RAPGEF6: variants seen among roughly 807,000 people sequenced by gnomAD.
The protein encoded by RAPGEF6 is PDZ domain containing guanine nucleotide exchange factor (GEF) 2.
Under a neutral mutation model 171.4 loss-of-function variants are expected in RAPGEF6, and 56 were observed. That is an observed-to-expected ratio of 0.33 (90% confidence interval 0.26 to 0.41). The LOEUF is 0.41. RAPGEF6 is among the 10% of genes least tolerant of loss of function. The pLI is 1.00. For missense variants in RAPGEF6, 1,674 were observed against 1,921.4 expected (o/e 0.87, Z 2.41); for synonymous variants, 692 against 650.1 (o/e 1.06, Z -0.98).
intron 1 of RAPGEF6, among the ~76,000 whole-genome samples, chr5:131,623,754 G>C (rs559780254): frequency 2.9e-4 from 44 of 152,158 alleles, no homozygotes; most frequent in African/African-American, 9.4e-4. Flanking sequence ...CAAAGTGCTG[G>C]GATTACAGGC....
At chr5:131,564,105 G>T (rs552465856) in intron 4 of RAPGEF6, among the ~76,000 whole-genome samples, 1 of 152,168 alleles carries the variant, frequency 6.6e-6, no homozygotes, top group African/African-American at 2.4e-5. Context: ...CAAGAGAAGC[G>T]TAACACAGCC....
At chr5:131,482,604 A>T (rs1191758829) in intron 15 of RAPGEF6, among the ~76,000 whole-genome samples, 1 of 152,230 alleles carries the variant, frequency 6.6e-6, no homozygotes, top group Non-Finnish European at 1.5e-5. Context: ...CGACTGGCCA[A>T]TACTTTTTAA....
chr5:131,614,263 C>T (rs1281404746), intron 1 of RAPGEF6, among the ~76,000 whole-genome samples: 1 of 102,050 alleles, frequency 9.8e-6, no homozygotes, highest in African/African-American at 4.1e-5. Flanking sequence ...GCCTGGGTGA[C>T]AGAGCAAGAC....
chr5:131,503,698 T>C (rs1757170504), intron 11 of RAPGEF6, among the ~76,000 whole-genome samples: 1 of 152,198 alleles, frequency 6.6e-6, no homozygotes, highest in South Asian at 2.1e-4. Flanking sequence ...CTTTCAACTA[T>C]AATTGTTCAG....
chr5:131,478,353 T>C (rs1755248688), intron 16 of RAPGEF6, among the ~76,000 whole-genome samples: 2 of 152,346 alleles, frequency 1.3e-5, no homozygotes, highest in South Asian at 4.1e-4. Context: ...TATTATGCTG[T>C]ATCCACAACC....
chr5:131,534,935 TTTATAAATCATGC>T lies in RAPGEF6; in HGVS notation c.495+13099_495+13111del, dbSNP rs368865912. ...ATTTTAATGCACACCTTTCCCCCTT[TTTATAAATCATGC>T]TGATCAACACACAAAGAAGGACCTC... On this transcript the variant is annotated intron_variant, in intron 6 of 27. Coordinates refer to ENST00000509018, the MANE Select transcript of RAPGEF6 (RefSeq NM_016340.6). 5.1e-4 allele frequency among the ~76,000 whole-genome samples: 78 copies of T among 152,200 alleles called. No homozygotes were observed. The East Asian group carries it at 0.011, about 22-fold the overall frequency.
intron 17 of RAPGEF6, among the ~76,000 whole-genome samples, chr5:131,467,237 G>A (rs575985623): frequency 1.3e-5 from 2 of 152,192 alleles, no homozygotes; most frequent in African/African-American, 2.4e-5. Context: ...AAAGTCATAC[G>A]TTGTTAAAGT....
intron 6 of RAPGEF6, among the ~76,000 whole-genome samples, chr5:131,530,651 A>G (rs538890421): frequency 1.3e-5 from 2 of 152,360 alleles, no homozygotes; most frequent in East Asian, 3.9e-4. Context: ...TTTACACAGT[A>G]GAGTACCAAT....
At chr5:131,589,312 A>G (rs747916683) in intron 4 of RAPGEF6, among the ~76,000 whole-genome samples, 2 of 152,152 alleles carry the variant, frequency 1.3e-5, no homozygotes, top group Admixed American at 1.3e-4. Flanking sequence ...TTTGCTTACT[A>G]TATATATAGT....
At chr5:131,512,817 T>G (rs1050719486) in intron 7 of RAPGEF6, among the ~76,000 whole-genome samples, 4 of 152,134 alleles carry the variant, frequency 2.6e-5, no homozygotes, top group African/African-American at 9.7e-5. Context: ...GGGAGCTCAT[T>G]CTCCCCTTCT....
At chr5:131,619,751 C>G (rs1182995471) in intron 1 of RAPGEF6, among the ~76,000 whole-genome samples, 1 of 152,160 alleles carries the variant, frequency 6.6e-6, no homozygotes, top group Non-Finnish European at 1.5e-5. Context: ...ACATGTCATT[C>G]TCTCTCCTAT....
intron 14 of RAPGEF6, among the ~76,000 whole-genome samples, 188 bp from the exon 15 acceptor site, chr5:131,489,842 T>C (rs1764802853): frequency 6.6e-6 from 1 of 152,094 alleles, no homozygotes; most frequent in African/African-American, 2.4e-5. Flanking sequence ...ATTTTCCAAA[T>C]TCTTTACTAT....
chr5:131,538,581 T>C (rs1016281358), intron 6 of RAPGEF6, among the ~76,000 whole-genome samples: 4 of 152,136 alleles, frequency 2.6e-5, no homozygotes, highest in Admixed American at 1.3e-4. Context: ...CTACACCATT[T>C]TATAAAAGGG....
At chr5:131,465,718 AG>A (rs1247695026) in intron 17 of RAPGEF6, among the ~76,000 whole-genome samples, 2 of 152,050 alleles carry the variant, frequency 1.3e-5, no homozygotes, top group Non-Finnish European at 2.9e-5. Context: ...GGGAGGTTGA[AG>A]CTGCAGTGAG....
chr5:131,599,805 A>T (rs2150011053), intron 3 of RAPGEF6, among the ~76,000 whole-genome samples: 1 of 152,302 alleles, frequency 6.6e-6, no homozygotes, highest in Admixed American at 6.5e-5. Context: ...AAATGAGAAA[A>T]ACTACATACA....
intron 1 of RAPGEF6, among the ~76,000 whole-genome samples, chr5:131,629,205 C>T (rs1425664956): frequency 6.6e-6 from 1 of 152,042 alleles, no homozygotes; most frequent in African/African-American, 2.4e-5. Context: ...GTGGGCCAGG[C>T]ATGGTGACTC....
At chr5:131,506,835 G>A (rs1025400872) in intron 9 of RAPGEF6, among the ~76,000 whole-genome samples, 1 of 152,012 alleles carries the variant, frequency 6.6e-6, no homozygotes, top group African/African-American at 2.4e-5. Context: ...CCATTCAGTT[G>A]TTTAAAGCTT....
chr5:131,469,529 G>C (rs1434455752), intron 17 of RAPGEF6, among the ~76,000 whole-genome samples: 2 of 151,714 alleles, frequency 1.3e-5, no homozygotes, highest in Non-Finnish European at 2.9e-5. Flanking sequence ...ATTTTTTTTA[G>C]GACTCATTTT....
chr5:131,437,767 T>C (rs1752105952), intron 24 of RAPGEF6, among the ~76,000 whole-genome samples: 1 of 152,202 alleles, frequency 6.6e-6, no homozygotes, highest in African/African-American at 2.4e-5. Flanking sequence ...CTCAGCTATG[T>C]GAGGATGAAA....
Sources: allele counts gnomAD v4.1 joint callset (sites outside exome capture counted in the v4.1 genomes callset), GRCh38; gene constraint gnomAD v4.1.1; transcripts MANE v1.5; gene names NCBI Gene and HGNC (gene_info 2026-07-23, HGNC 2026-07-21).